The following CSMD1 variants were observed in gnomAD, a reference collection of about 807,000 sequenced individuals.
CSMD1 encodes the protein CUB and Sushi multiple domains 1.
A neutral mutation model predicts 417.5 loss-of-function variants in CSMD1; 213 were observed. That is an observed-to-expected ratio of 0.51 (90% CI 0.46 to 0.57). The LOEUF (loss-of-function observed/expected upper bound fraction) is 0.57. Among genes scored for constraint, CSMD1 ranks in the 20% least tolerant of loss-of-function variants. The probability of loss-of-function intolerance (pLI) is 0.00; values close to 1 mark genes in which losing one functional copy is unlikely to be tolerated. For synonymous variants in CSMD1, 2,862 were observed against 1,736.8 expected, an observed-to-expected ratio of 1.65 and a Z score of -16.11; for missense variants, 6,923 against 4,529.7, an observed-to-expected ratio of 1.53 and a Z score of -15.17.
At chr8:4,461,154 T>C (rs546147740) in intron 2 of CSMD1, among the ~76,000 whole-genome samples, 1,175 of 69,760 alleles carry the variant, frequency 0.017, 9 homozygotes, top group Non-Finnish European at 0.026. Flanking sequence ...AGTCAGCTGA[T>C]TGTCTTACCA....
chr8:4,083,654 C>T (rs1191646286), intron 3 of CSMD1, among the ~76,000 whole-genome samples: 5 of 152,112 alleles, frequency 3.3e-5, no homozygotes, highest in Non-Finnish European at 7.4e-5. Context: ...AAAGCTGAAA[C>T]TGGATCCCTT....
intron 8 of CSMD1, among the ~76,000 whole-genome samples, chr8:3,609,051 T>A (rs1306455767): frequency 6.6e-6 from 1 of 152,238 alleles, no homozygotes; most frequent in Non-Finnish European, 1.5e-5. Flanking sequence ...AAAACTTCTA[T>A]TATAATTATC....
intron 10 of CSMD1, among the ~76,000 whole-genome samples, chr8:3,570,607 G>C (rs76263351): frequency 0.024 from 3,700 of 152,188 alleles, 156 homozygotes; most frequent in African/African-American, 0.084. Flanking sequence ...ATGCTATCAC[G>C]GAGCTACTGA....
intron 5 of CSMD1, among the ~76,000 whole-genome samples, chr8:3,821,266 T>C (rs528308780): frequency 1.9e-4 from 29 of 152,204 alleles, no homozygotes; most frequent in African/African-American, 6.7e-4. Context: ...AAAATAACAA[T>C]CAAAAGTATA....
At chr8:4,817,136 A>G (rs746174821) in intron 1 of CSMD1, among the ~76,000 whole-genome samples, 24 of 152,278 alleles carry the variant, frequency 1.6e-4, no homozygotes, top group East Asian at 3.9e-4. Flanking sequence ...AATACATATC[A>G]TAATATTTAC....
At chr8:4,330,271 C>A (rs930554467) in intron 3 of CSMD1, among the ~76,000 whole-genome samples, 14 of 131,632 alleles carry the variant, frequency 1.1e-4, no homozygotes, top group African/African-American at 3.3e-4. Context: ...TCTGGTTGTA[C>A]TCTTCTACAA....
rs370247868 is a variant in CSMD1 at position 3,186,589 on chromosome 8, T to C, written c.5620+1280A>G. ...TGGAAGTTGTATCAGACACTGTGAA[T>C]GGCCTGTGCGCTATCTATTTTCTTT... On this transcript the variant is annotated intron_variant, in intron 36 of 69. Transcript: ENST00000635120. Among the ~76,000 whole-genome samples, 5 of 152,320 alleles carry C rather than the reference T, an allele frequency of 3.3e-5. No individual in the cohort carries two copies. The South Asian group carries it at 1.0e-3, about 32-fold the overall frequency.
At chr8:3,047,735 A>T (rs999393262) in intron 50 of CSMD1, among the ~76,000 whole-genome samples, 7 of 152,216 alleles carry the variant, frequency 4.6e-5, no homozygotes, top group African/African-American at 1.7e-4. Context: ...TTTCAGGGTT[A>T]TGTAATGCCA....
chr8:4,802,873 A>T (rs1172385582), intron 1 of CSMD1, among the ~76,000 whole-genome samples: 1 of 152,240 alleles, frequency 6.6e-6, no homozygotes, highest in Non-Finnish European at 1.5e-5. Flanking sequence ...TGCAAATATC[A>T]TGTCATATCC....
At chr8:3,360,863 T>C (rs1265529777) in intron 20 of CSMD1, among the ~76,000 whole-genome samples, 1 of 152,118 alleles carries the variant, frequency 6.6e-6, no homozygotes, top group Admixed American at 6.6e-5. Flanking sequence ...TCTTTTTTTT[T>C]TTTTTAGTTT....
At chr8:3,959,137 A>G (rs181790591) in intron 5 of CSMD1, among the ~76,000 whole-genome samples, 79 of 152,332 alleles carry the variant, frequency 5.2e-4, no homozygotes, top group African/African-American at 1.8e-3. Flanking sequence ...CAGTCTTTAC[A>G]TATTTAAAAG....
At chr8:4,838,603 G>C (rs762972853) in intron 1 of CSMD1, among the ~76,000 whole-genome samples, 4 of 152,220 alleles carry the variant, frequency 2.6e-5, no homozygotes, top group East Asian at 3.9e-4. Flanking sequence ...ATCAGTTTGT[G>C]CTTTGGCAGA....
intron 3 of CSMD1, among the ~76,000 whole-genome samples, chr8:4,392,025 T>A (rs888351347): frequency 2.6e-5 from 4 of 152,158 alleles, no homozygotes; most frequent in African/African-American, 9.7e-5. Flanking sequence ...AGTGGGTAAG[T>A]GAGTCCCAGG....
At chr8:4,163,836 A>C (rs1281943019) in intron 3 of CSMD1, among the ~76,000 whole-genome samples, 13 of 152,190 alleles carry the variant, frequency 8.5e-5, no homozygotes. Flanking sequence ...CTTCATCATT[A>C]ATTCAAAAAT....
intron 15 of CSMD1, among the ~76,000 whole-genome samples, chr8:3,400,590 T>C (rs958760697): frequency 3.8e-4 from 58 of 152,108 alleles, no homozygotes; most frequent in Non-Finnish European, 7.4e-4. Context: ...TATATTGGAA[T>C]GTGGCAAATA....
At chr8:3,290,523 C>T (rs1803471086) in intron 25 of CSMD1, among the ~76,000 whole-genome samples, 1 of 144,400 alleles carries the variant, frequency 6.9e-6, no homozygotes, top group Admixed American at 6.9e-5. Flanking sequence ...TGTAGTTCTC[C>T]TTGAAGAGGT....
At chr8:3,114,485 T>C (rs370131506) in intron 42 of CSMD1, among the ~76,000 whole-genome samples, 1 of 150,822 alleles carries the variant, frequency 6.6e-6, no homozygotes, top group African/African-American at 2.4e-5. Context: ...TGACTCTCAA[T>C]ATATCGAAGA....
rs771121272 is a variant in CSMD1, at chr8:3,367,045, A to T, written c.3102T>A (p.Asn1034Lys). ...AGACCAACATACCTGAAAATGTGAT[A>T]TTGAAGCCCTCGTACGAAATTGAGA... Reference protein sequence around the residue: ...SDFSISYEGFNITFSEYDLEP... With the variant: ...SDFSISYEGFKITFSEYDLEP... The change falls in exon 20 of 70, where the codon AAT becomes AAA. Residue 1034 changes from asparagine (N) to lysine (K), a missense_variant. Coordinates refer to ENST00000635120, the MANE Select transcript of CSMD1 (RefSeq NM_033225.6). 9 of 1,613,066 alleles carry T rather than the reference A, an allele frequency of 5.6e-6. No homozygotes were observed. The highest frequency in any genetic ancestry group is 6.8e-6 in the Non-Finnish European group (8 of 1,179,370).
At chr8:3,084,138 G>T (rs1273285715) in intron 49 of CSMD1, among the ~76,000 whole-genome samples, 1 of 152,124 alleles carries the variant, frequency 6.6e-6, no homozygotes, top group African/African-American at 2.4e-5. Flanking sequence ...ATTTGCCAAA[G>T]AAAAGCAGCT....
Sources: gnomAD v4.1 joint callset for allele counts (sites outside exome capture counted in the v4.1 genomes callset) on GRCh38, gnomAD v4.1.1 for gene constraint, MANE v1.5 for transcripts, NCBI Gene and HGNC (gene_info 2026-07-23, HGNC 2026-07-21) for gene names.